The following NLRC5 variants were observed in gnomAD, a reference collection of about 807,000 sequenced individuals.
NLRC5 encodes NLR family CARD domain containing 5, also known as protein NLRC5.
NLRC5 carries 114 observed loss-of-function variants against 206.9 expected under a neutral mutation model. The ratio of observed to expected loss-of-function variants is 0.55; its 90% CI spans 0.47 to 0.64. The LOEUF (loss-of-function observed/expected upper bound fraction) is 0.64. Among genes scored for constraint, NLRC5 ranks in the 30% least tolerant of loss-of-function variants. The pLI, the probability that NLRC5 is intolerant of heterozygous loss-of-function variation, is 0.00. For missense variants in NLRC5, 2,008 were observed against 2,305.5 expected, an observed-to-expected ratio of 0.87 and a Z score of 2.64; for synonymous variants, 952 against 962.8, an observed-to-expected ratio of 0.99 and a Z score of 0.21.
chr16:57,065,635 A>G (rs1489391442), intron 33 of NLRC5, among the ~76,000 whole-genome samples: 1 of 152,212 alleles, frequency 6.6e-6, no homozygotes, highest in Non-Finnish European at 1.5e-5. Context: ...CAGAAATAAC[A>G]CAATGACACA....
rs532456080 is a variant in NLRC5, at chr16:57,019,322, G to A, written c.-12-1379G>A. 5.9e-5 allele frequency among the ~76,000 whole-genome samples: 9 copies of A among 152,254 alleles called. No individual in the cohort carries two copies. In the South Asian group the frequency reaches 6.2e-4, roughly 11 times the overall value. ...TGAGGCAGAAGAATCGCTTGAACCC[G>A]GGAGGCGGAGGCTGCAGTGAGCCGA... On this transcript the variant is annotated intron_variant, in intron 2 of 48. Coordinates refer to ENST00000688547, the MANE Select transcript of NLRC5 (RefSeq NM_001384950.1).
intron 5 of NLRC5, among the ~76,000 whole-genome samples, chr16:57,025,160 C>T (rs573944154): frequency 4.3e-4 from 65 of 152,180 alleles, no homozygotes; most frequent in Non-Finnish European, 8.1e-4. Flanking sequence ...AAATAGCTAC[C>T]GGAGAGCCTA....
At chr16:56,996,097 A>G (rs1025046922) in intron 1 of NLRC5, among the ~76,000 whole-genome samples, 2 of 152,194 alleles carry the variant, frequency 1.3e-5, no homozygotes, top group Non-Finnish European at 2.9e-5. Flanking sequence ...CTCCGGTCAG[A>G]GCCCTGGGTC....
chr16:57,078,081 T>TC, intron 43 of NLRC5, 61 bp downstream of exon 43: 1 of 1,337,562 alleles, frequency 7.5e-7, no homozygotes, highest in East Asian at 2.6e-5. Flanking sequence ...TCGGGAGCAG[T>TC]GGGGGGGTCC....
chr16:57,022,423 C>T lies in NLRC5; in HGVS notation c.355+108C>T, dbSNP rs545418158. ...CTGTGGTGGCTGGTCACAGCCATTTCTCATAGGCCATGCTCTTCGTCTGTC... is the reference window on the plus strand; with the variant it reads ...CTGTGGTGGCTGGTCACAGCCATTTTTCATAGGCCATGCTCTTCGTCTGTC... On this transcript the variant is annotated intron_variant, in intron 4 of 48. Transcript: ENST00000688547. The T allele has an allele frequency of 1.1e-5, 11 of 957,402 alleles. No homozygotes were observed. In the South Asian group the frequency reaches 1.6e-4, roughly 14 times the overall value. 59.3% of individuals were successfully genotyped at this position (957,402 alleles called of 1,614,324 possible). A position where few individuals can be genotyped will look rare whatever the true frequency, so the allele number is the denominator to read the frequency against.
Position 57,082,697 on chromosome 16 carries a change from T to A in NLRC5, c.*169T>A. On this transcript the variant is annotated 3_prime_UTR_variant, in exon 49 of 49. Transcript: ENST00000688547. ...GCTGCAGTCCTCAGGGAGAACTTTT[T>A]TGGGAACCAGGAGCTGGGTCTGGAC... The A allele has an allele frequency of 1.8e-6, 1 of 570,754 alleles. No individual in the cohort carries two copies. The highest frequency in any genetic ancestry group is 3.1e-6 in the Non-Finnish European group (1 of 322,736). 35.4% of individuals were successfully genotyped at this position (570,754 alleles called of 1,614,324 possible).
rs530492591 is a variant in NLRC5, at chr16:57,011,391, C to T, written c.-127-5683C>T. 1.7e-4 allele frequency among the ~76,000 whole-genome samples: 24 copies of T among 143,804 alleles called. No individual in the cohort carries two copies. The South Asian group carries it at 2.9e-3, about 17-fold the overall frequency. The allele number at this position is 143,804 out of a possible 152,430, so 94.3% of individuals were successfully genotyped here. A position where few individuals can be genotyped will look rare whatever the true frequency, so the allele number is the denominator to read the frequency against. ...TCGTGCCACTACACTCAAGTCTAGG[C>T]GACAGAGGGAGACTCCGTCTCAAAA... On this transcript the variant is annotated intron_variant, in intron 1 of 48. Transcript: ENST00000688547.
At chr16:57,031,013 T>C (rs192046553) in intron 10 of NLRC5, among the ~76,000 whole-genome samples, 371 of 152,108 alleles carry the variant, frequency 2.4e-3, no homozygotes, top group African/African-American at 8.7e-3. Context: ...GGTGGGAAGA[T>C]TGCTTGAGCC....
At chr16:57,055,233 C>A in intron 26 of NLRC5, 139 bp downstream of exon 26, 1 of 1,005,958 alleles carries the variant, frequency 9.9e-7, no homozygotes, top group Non-Finnish European at 1.5e-6. Context: ...GGACTTGTTT[C>A]ACCCAGCATG....
chr16:57,075,219 T>TTTTG (rs765476911), intron 39 of NLRC5, among the ~76,000 whole-genome samples: 6 of 152,118 alleles, frequency 3.9e-5, no homozygotes, highest in Non-Finnish European at 7.4e-5. Flanking sequence ...GCATTTCTTT[T>TTTTG]TTTGTTTGTT....
chr16:57,045,603 A>C, intron 21 of NLRC5, 111 bp downstream of exon 21: 2 of 966,962 alleles, frequency 2.1e-6, no homozygotes, highest in East Asian at 2.5e-5. Flanking sequence ...CAGTTAAACC[A>C]CCCAAGTCCG....
At chr16:57,027,183 C>T (rs984824950) in intron 6 of NLRC5, among the ~76,000 whole-genome samples, 165 bp downstream of exon 6, 8 of 152,216 alleles carry the variant, frequency 5.3e-5, no homozygotes, top group Non-Finnish European at 7.3e-5. Context: ...GACAGGACCT[C>T]TGGAGTCCAA....
chr16:57,074,486 A>G, intron 38 of NLRC5, 114 bp from the exon 39 acceptor site: 2 of 824,362 alleles, frequency 2.4e-6, no homozygotes, highest in East Asian at 2.5e-5. Flanking sequence ...CTGTGTGGAT[A>G]TAAGTGGCTG....
intron 28 of NLRC5, 56 bp downstream of exon 28, chr16:57,058,204 A>G: frequency 1.4e-6 from 2 of 1,456,708 alleles, no homozygotes; most frequent in East Asian, 2.4e-5. Flanking sequence ...CCCCTAGGCC[A>G]AAAGCATGAT....
chr16:56,999,273 G>A (rs1176664427), intron 1 of NLRC5, among the ~76,000 whole-genome samples: 1 of 152,214 alleles, frequency 6.6e-6, no homozygotes, highest in Non-Finnish European at 1.5e-5. Flanking sequence ...ATATTCAGTC[G>A]ATCACATTGT....
chr16:57,028,250 C>T, intron 7 of NLRC5, 52 bp from the exon 8 acceptor site: 1 of 1,588,734 alleles, frequency 6.3e-7, no homozygotes, highest in Non-Finnish European at 8.6e-7. Flanking sequence ...GATTCCTGGC[C>T]CCGCCCTTTT....
chr16:57,081,571 CT>C lies in NLRC5; in HGVS notation c.5451del (p.Glu1818LysfsTer27), dbSNP rs2069150465. On this transcript the variant is annotated frameshift_variant, in exon 48 of 49. Transcript: ENST00000688547. LOFTEE classifies it low-confidence loss of function (END_TRUNC). ...QITALGAWLL[A>X]EGLAQGSSIQ... ...ACAGCTTTGGGGGCCTGGCTCCTGG[CT>C]GAAGGACTGGCCCAGGGGTCTAGCA... 1 of 1,613,994 alleles carries C rather than the reference CT, an allele frequency of 6.2e-7. No homozygotes were observed. Among genetic ancestry groups the C allele is most frequent in the Non-Finnish European group, 8.5e-7 (1 of 1,180,010 alleles).
At chr16:57,045,345 G>A in intron 20 of NLRC5, 103 bp from the exon 21 acceptor site, 1 of 1,044,616 alleles carries the variant, frequency 9.6e-7, no homozygotes, top group Non-Finnish European at 1.5e-6. Flanking sequence ...AAGAAAGCAG[G>A]CCACCCCAGG....
At chr16:57,040,132 C>T (rs1185771843) in intron 16 of NLRC5, among the ~76,000 whole-genome samples, 1 of 152,232 alleles carries the variant, frequency 6.6e-6, no homozygotes, top group African/African-American at 2.4e-5. Flanking sequence ...TTCCGGGAGA[C>T]TAGAGCCCTC....
Sources: allele counts gnomAD v4.1 joint callset (sites outside exome capture counted in the v4.1 genomes callset), GRCh38; gene constraint gnomAD v4.1.1; transcripts MANE v1.5; gene names NCBI Gene and HGNC (gene_info 2026-07-23, HGNC 2026-07-21).